The following GARNL3 variants were observed in gnomAD, a reference collection of about 807,000 sequenced individuals.
GARNL3 encodes the protein GTPase-activating Rap/Ran-GAP domain-like protein 3.
A neutral mutation model predicts 125.0 loss-of-function variants in GARNL3; 63 were observed. The observed-to-expected ratio is 0.50, with a 90% CI of 0.41 to 0.62. The LOEUF is 0.62. Ranked by LOEUF, GARNL3 falls within the 20% of genes least tolerant of loss-of-function variation. GARNL3 has a pLI of 0.00. For missense variants in GARNL3, 994 were observed against 1,244.0 expected (o/e 0.80, Z 3.02); for synonymous variants, 439 against 457.5 (o/e 0.96, Z 0.52).
intron 2 of GARNL3, among the ~76,000 whole-genome samples, chr9:127,292,992 G>C (rs2064470273): frequency 6.6e-6 from 1 of 152,176 alleles, no homozygotes; most frequent in African/African-American, 2.4e-5. Flanking sequence ...GTCTCAAATT[G>C]CTTCTCTGGA....
At chr9:127,231,038 A>ATATG (rs1444889802) in intron 1 of GARNL3, among the ~76,000 whole-genome samples, 1 of 45,296 alleles carries the variant, frequency 2.2e-5, no homozygotes, top group African/African-American at 1.3e-4. Flanking sequence ...ATATATACAT[A>ATATG]TATATATATA....
intron 2 of GARNL3, among the ~76,000 whole-genome samples, chr9:127,247,976 C>T (rs543496941): frequency 1.5e-4 from 23 of 152,274 alleles, no homozygotes; most frequent in Non-Finnish European, 3.4e-4. Flanking sequence ...CTCTCTATCT[C>T]CATGAGTTCA....
Position 127,385,158 on chromosome 9 carries a change from G to T in GARNL3, c.2388+13G>T. ...GGTGGCCTCCAGGGTGAGTAGGACT[G>T]GGATTTTATCTCTGAGTGGTTTGGG... On this transcript the variant is annotated intron_variant, in intron 24 of 27. Transcript: ENST00000373387. This position sits in a 1 kb window ranked among gnomAD's most constrained non-coding sequence, Gnocchi z 4.1. 6.4e-7 allele frequency: 1 copy of T among 1,551,820 alleles called. No individual in the cohort carries two copies. Among genetic ancestry groups the T allele is most frequent in the African/African-American group, 1.4e-5 (1 of 73,632 alleles).
chr9:127,286,787 AT>A (rs2131353684), intron 1 of GARNL3, among the ~76,000 whole-genome samples: 1 of 152,332 alleles, frequency 6.6e-6, no homozygotes, highest in East Asian at 1.9e-4. Context: ...CAGATTTTAC[AT>A]TTTATACTAT....
chr9:127,264,664 C>G, upstream of GARNL3: 1 of 1,187,490 alleles, frequency 8.4e-7, no homozygotes, highest in Non-Finnish European at 1.0e-6. Flanking sequence ...CCACCAGTAA[C>G]CTTGGAAATT....
chr9:127,225,854 C>T (rs2062903033), intron 1 of GARNL3, among the ~76,000 whole-genome samples: 2 of 150,510 alleles, frequency 1.3e-5, no homozygotes, highest in African/African-American at 2.5e-5. Context: ...CGCCCCTCTC[C>T]CTCGCGACGC....
At chr9:127,288,001 GA>G (rs1350854172) in intron 1 of GARNL3, among the ~76,000 whole-genome samples, 2 of 152,174 alleles carry the variant, frequency 1.3e-5, no homozygotes, top group Non-Finnish European at 2.9e-5. Flanking sequence ...TCTTGTTTAT[GA>G]ATATTTAATG....
intron 7 of GARNL3, among the ~76,000 whole-genome samples, chr9:127,326,903 C>T (rs2065591992): frequency 6.6e-6 from 1 of 152,136 alleles, no homozygotes. Context: ...CTTCCACTGC[C>T]TTGATATTGG....
chr9:127,240,583 C>T (rs977068830), intron 1 of GARNL3, among the ~76,000 whole-genome samples: 6 of 152,148 alleles, frequency 3.9e-5, no homozygotes, highest in Non-Finnish European at 7.4e-5. Flanking sequence ...TGTGACTTTA[C>T]ATTTTCTAGT....
chr9:127,321,748 C>T (rs924585469), intron 6 of GARNL3, among the ~76,000 whole-genome samples: 22 of 152,116 alleles, frequency 1.4e-4, no homozygotes, highest in Non-Finnish European at 2.9e-4. Context: ...TAGTTGGGTA[C>T]GCCAGGGATG....
Position 127,342,892 on chromosome 9 carries a change from CTT to C in GARNL3, c.1251+578_1251+579del, listed in dbSNP as rs59554997. 4.1e-3 allele frequency among the ~76,000 whole-genome samples: 332 copies of C among 81,602 alleles called. 3 individuals are homozygous for C. The highest frequency in any genetic ancestry group is 9.3e-3 in the African/African-American group (230 of 24,722). 53.5% of individuals were successfully genotyped at this position (81,602 alleles called of 152,430 possible). ...ACTTCAGGTGCACATGTGCTCTTTT[CTT>C]TTTTTTTTTTTTTTTTTTTGGAGAC... On this transcript the variant is annotated intron_variant, in intron 14 of 27. Coordinates refer to ENST00000373387, the MANE Select transcript of GARNL3 (RefSeq NM_032293.5).
At chr9:127,355,495 T>G (rs1420070848) in intron 20 of GARNL3, 23 bp downstream of exon 20, 1 of 1,609,316 alleles carries the variant, frequency 6.2e-7, no homozygotes, top group African/African-American at 1.3e-5. Context: ...TTTAAATCAT[T>G]TATCTCCCAA....
intron 13 of GARNL3, among the ~76,000 whole-genome samples, chr9:127,341,065 C>T (rs1829835145): frequency 6.6e-6 from 1 of 152,126 alleles, no homozygotes; most frequent in African/African-American, 2.4e-5. Flanking sequence ...CTGAGGCTCC[C>T]TCTGCTTTCC....
chr9:127,239,955 A>G (rs961743010), intron 1 of GARNL3, among the ~76,000 whole-genome samples: 3 of 152,238 alleles, frequency 2.0e-5, no homozygotes, highest in Non-Finnish European at 4.4e-5. Context: ...AGAAAAGAAC[A>G]TGGTAAGATA....
intron 7 of GARNL3, among the ~76,000 whole-genome samples, chr9:127,327,772 T>C (rs1261399995): frequency 1.3e-5 from 2 of 151,994 alleles, no homozygotes; most frequent in Non-Finnish European, 2.9e-5. Flanking sequence ...CACATGTAAT[T>C]TGTAAAAGGC....
intron 1 of GARNL3, among the ~76,000 whole-genome samples, chr9:127,228,850 G>A (rs2062956703): frequency 6.6e-6 from 1 of 152,112 alleles, no homozygotes; most frequent in Non-Finnish European, 1.5e-5. Context: ...TTGAGGCAGA[G>A]TCTTGCTCTG....
chr9:127,389,980 C>G (rs1028659518), intron 26 of GARNL3, among the ~76,000 whole-genome samples: 7 of 150,728 alleles, frequency 4.6e-5, no homozygotes, highest in Non-Finnish European at 1.0e-4. Context: ...ACATAAAGCC[C>G]CTGATAAGTG....
intron 2 of GARNL3, among the ~76,000 whole-genome samples, chr9:127,310,906 T>A (rs1188499713): frequency 2.0e-5 from 3 of 152,232 alleles, no homozygotes; most frequent in African/African-American, 7.2e-5. Flanking sequence ...AGATGTCAGA[T>A]TGGCATTGTG....
chr9:127,255,226 C>T (rs2131223459), intron 2 of GARNL3, among the ~76,000 whole-genome samples: 1 of 152,266 alleles, frequency 6.6e-6, no homozygotes, highest in East Asian at 1.9e-4. Flanking sequence ...ATTGTTTAAA[C>T]ATTGGAAACA....
Sources: allele counts gnomAD v4.1 joint callset (sites outside exome capture counted in the v4.1 genomes callset), GRCh38; gene constraint gnomAD v4.1.1; non-coding constraint Gnocchi (gnomAD v3.1); transcripts MANE v1.5; gene names NCBI Gene and HGNC (gene_info 2026-07-23, HGNC 2026-07-21).